The following ARHGAP15 variants were observed in gnomAD, a reference collection of about 807,000 sequenced individuals.
ARHGAP15 encodes rho GTPase-activating protein 15.
A neutral mutation model predicts 63.7 loss-of-function variants in ARHGAP15; 51 were observed. The observed-to-expected ratio is 0.80, with a 90% CI of 0.64 to 1.01. The LOEUF (loss-of-function observed/expected upper bound fraction) is 1.01, where lower values mean the gene tolerates loss of function less well. Ranked by LOEUF, ARHGAP15 falls within the 50% of genes least tolerant of loss-of-function variation. The pLI, the probability that ARHGAP15 is intolerant of heterozygous loss-of-function variation, is 0.00. For synonymous variants in ARHGAP15, 191 were observed against 193.8 expected (o/e 0.99, Z 0.12); for missense variants, 560 against 564.6 (o/e 0.99, Z 0.08).
chr2:143,379,487 A>ATATATGTG (rs1202571594), intron 6 of ARHGAP15, among the ~76,000 whole-genome samples: 61 of 129,840 alleles, frequency 4.7e-4, no homozygotes, highest in African/African-American at 1.7e-3. Context: ...AGGCATATAT[A>ATATATGTG]TGTGTGTGTG....
intron 2 of ARHGAP15, among the ~76,000 whole-genome samples, chr2:143,181,510 G>A (rs1016285850): frequency 6.6e-6 from 1 of 152,234 alleles, no homozygotes; most frequent in Non-Finnish European, 1.5e-5. Flanking sequence ...GGATCTTCTA[G>A]ATAACTTGCT....
At chr2:143,192,455 G>A (rs1012121666) in intron 2 of ARHGAP15, among the ~76,000 whole-genome samples, 4 of 152,170 alleles carry the variant, frequency 2.6e-5, no homozygotes, top group East Asian at 1.9e-4. Context: ...CATACCTTCC[G>A]GCACAGCTCT....
intron 6 of ARHGAP15, among the ~76,000 whole-genome samples, chr2:143,375,478 C>T (rs1686766185): frequency 1.3e-5 from 2 of 152,114 alleles, no homozygotes; most frequent in South Asian, 4.1e-4. Context: ...CACTTATGAA[C>T]TAAGAAAAAT....
chr2:143,720,962 G>A (rs1007780664), intron 13 of ARHGAP15, among the ~76,000 whole-genome samples: 1 of 150,658 alleles, frequency 6.6e-6, no homozygotes, highest in Non-Finnish European at 1.5e-5. Flanking sequence ...CCAGCTACTC[G>A]GGAGGCTGAG....
intron 12 of ARHGAP15, among the ~76,000 whole-genome samples, chr2:143,694,428 G>A (rs1683751981): frequency 6.6e-6 from 1 of 152,190 alleles, no homozygotes; most frequent in Admixed American, 6.5e-5. Context: ...TCAGACCAGT[G>A]CAGGTAACGG....
At chr2:143,313,369 CAG>C (rs1231041227) in intron 6 of ARHGAP15, among the ~76,000 whole-genome samples, 1 of 152,126 alleles carries the variant, frequency 6.6e-6, no homozygotes, top group Non-Finnish European at 1.5e-5. Context: ...TATAACTCAA[CAG>C]AGTTATAACT....
intron 10 of ARHGAP15, among the ~76,000 whole-genome samples, chr2:143,541,373 A>G (rs1044386438): frequency 6.6e-6 from 1 of 151,638 alleles, no homozygotes; most frequent in African/African-American, 2.4e-5. Context: ...TTCTTCTCTC[A>G]ACTCGTCAAA....
intron 8 of ARHGAP15, among the ~76,000 whole-genome samples, chr2:143,445,289 T>C (rs1690086431): frequency 6.7e-6 from 1 of 148,808 alleles, no homozygotes; most frequent in African/African-American, 2.5e-5. Flanking sequence ...GCCTCCCTAG[T>C]AGCTGGGACT....
chr2:143,383,351 C>G (rs1012374145), intron 6 of ARHGAP15, among the ~76,000 whole-genome samples: 2 of 152,034 alleles, frequency 1.3e-5, no homozygotes, highest in Non-Finnish European at 2.9e-5. Context: ...ATAAGGTTAG[C>G]AAGGCAATAC....
chr2:143,316,690 T>C (rs1431612137), intron 6 of ARHGAP15, among the ~76,000 whole-genome samples: 1 of 151,546 alleles, frequency 6.6e-6, no homozygotes, highest in African/African-American at 2.4e-5. Flanking sequence ...CTCTGATCCA[T>C]CATGAGATTC....
rs371628860 is a variant in ARHGAP15, at chr2:143,276,623, G to T, written c.474+26023G>T. 1.1e-4 allele frequency among the ~76,000 whole-genome samples: 17 copies of T among 152,030 alleles called. No homozygotes were observed. In the East Asian group the frequency reaches 1.9e-3, roughly 17 times the overall value. The stretch of plus-strand genomic sequence containing the variant: ...TACATTTTGCATCTTTGTAAAGCAG[G>T]GGCCACAACTACTTTTTAAAATCTT... On this transcript the variant is annotated intron_variant, in intron 6 of 13. Coordinates refer to ENST00000295095, the MANE Select transcript of ARHGAP15 (RefSeq NM_018460.4).
intron 13 of ARHGAP15, among the ~76,000 whole-genome samples, chr2:143,710,453 G>A (rs188820916): frequency 6.6e-6 from 1 of 152,278 alleles, no homozygotes; most frequent in Admixed American, 6.5e-5. Context: ...GGATTTATAA[G>A]GTTTGTGAGC....
intron 6 of ARHGAP15, among the ~76,000 whole-genome samples, chr2:143,252,494 T>C (rs1454353694): frequency 6.6e-6 from 1 of 152,076 alleles, no homozygotes; most frequent in Non-Finnish European, 1.5e-5. Flanking sequence ...TGTAATGTAA[T>C]TGAACAGTTC....
At chr2:143,395,185 A>G (rs1687707404) in intron 6 of ARHGAP15, among the ~76,000 whole-genome samples, 1 of 152,232 alleles carries the variant, frequency 6.6e-6, no homozygotes, top group African/African-American at 2.4e-5. Flanking sequence ...TCATTACTAT[A>G]TAAGAATATC....
chr2:143,715,092 G>A (rs1272511100), intron 13 of ARHGAP15, among the ~76,000 whole-genome samples: 2 of 152,080 alleles, frequency 1.3e-5, no homozygotes, highest in South Asian at 2.1e-4. Flanking sequence ...AAAAAAAAAA[G>A]AGGTTTAATT....
intron 6 of ARHGAP15, among the ~76,000 whole-genome samples, chr2:143,411,338 A>G (rs1422652355): frequency 6.6e-6 from 1 of 152,220 alleles, no homozygotes; most frequent in Non-Finnish European, 1.5e-5. Flanking sequence ...AATAAATTTA[A>G]CAGAAAATTA....
chr2:143,411,574 T>C (rs183319150), intron 6 of ARHGAP15, among the ~76,000 whole-genome samples: 22 of 152,354 alleles, frequency 1.4e-4, no homozygotes, highest in African/African-American at 5.3e-4. Context: ...TGTTCATCTT[T>C]TTCTTGTGTA....
chr2:143,247,827 A>G (rs1490522233), intron 5 of ARHGAP15, among the ~76,000 whole-genome samples: 2 of 152,204 alleles, frequency 1.3e-5, no homozygotes, highest in Admixed American at 1.3e-4. Flanking sequence ...ACTTTTCCAA[A>G]TCACAAAGAC....
chr2:143,144,418 A>G (rs1366679780), intron 1 of ARHGAP15, among the ~76,000 whole-genome samples: 2 of 152,032 alleles, frequency 1.3e-5, no homozygotes, highest in Admixed American at 1.3e-4. Context: ...AAGTGTTGAA[A>G]TTGATGTTAT....
Sources: gnomAD v4.1 joint callset for allele counts (sites outside exome capture counted in the v4.1 genomes callset) on GRCh38, gnomAD v4.1.1 for gene constraint, MANE v1.5 for transcripts, NCBI Gene and HGNC (gene_info 2026-07-23, HGNC 2026-07-21) for gene names.